Variants in ASAP2 observed in about 807,000 individuals in gnomAD.
ASAP2 encodes ArfGAP with SH3 domain, ankyrin repeat and PH domain 2.
A neutral mutation model predicts 131.4 loss-of-function variants in ASAP2; 45 were observed. The observed-to-expected ratio is 0.34, with a 90% CI of 0.27 to 0.44. The LOEUF (loss-of-function observed/expected upper bound fraction) is 0.44, where lower values mean the gene tolerates loss of function less well. Ranked by LOEUF, ASAP2 falls within the 20% of genes least tolerant of loss-of-function variation. The probability of loss-of-function intolerance (pLI) is 1.00; values close to 1 mark genes in which losing one functional copy is unlikely to be tolerated. For missense variants in ASAP2, 1,011 were observed against 1,297.0 expected, an observed-to-expected ratio of 0.78 and a Z score of 3.39; for synonymous variants, 510 against 503.0, an observed-to-expected ratio of 1.01 and a Z score of -0.19.
At chr2:9,245,772 G>A (rs550969561) in intron 1 of ASAP2, among the ~76,000 whole-genome samples, 5 of 152,000 alleles carry the variant, frequency 3.3e-5, no homozygotes, top group Non-Finnish European at 7.4e-5. Flanking sequence ...TCGGTTCGTC[G>A]TCTGCCTCCA....
chr2:9,283,298 G>A (rs573916760), intron 2 of ASAP2, among the ~76,000 whole-genome samples: 3 of 152,244 alleles, frequency 2.0e-5, no homozygotes, highest in Admixed American at 6.5e-5. Flanking sequence ...GGCTGATCTC[G>A]AGCTTCTGAC....
chr2:9,380,636 A>G lies in ASAP2; in HGVS notation c.1949-105A>G, dbSNP rs537418228. 4.9e-5 allele frequency: 53 copies of G among 1,083,842 alleles called. No homozygotes were observed. In the African/African-American group the frequency reaches 6.1e-4, roughly 12 times the overall value. 67.1% of individuals were successfully genotyped at this position (1,083,842 alleles called of 1,614,324 possible). A position where few individuals can be genotyped will look rare whatever the true frequency, so the allele number is the denominator to read the frequency against. ...CTGTGGATTTCATTAACCAGGCCCAATTTAATTTAGTGCTGCCTTTCTGTT... is the reference window on the plus strand; with the variant it reads ...CTGTGGATTTCATTAACCAGGCCCAGTTTAATTTAGTGCTGCCTTTCTGTT... On this transcript the variant is annotated intron_variant, in intron 19 of 27. Transcript: ENST00000281419.
chr2:9,227,742 G>A (rs1662878417), intron 1 of ASAP2, among the ~76,000 whole-genome samples: 1 of 152,224 alleles, frequency 6.6e-6, no homozygotes, highest in Admixed American at 6.5e-5. Flanking sequence ...AAAAAAATAT[G>A]TGGGTAAGGT....
chr2:9,370,047 T>C lies in ASAP2; in HGVS notation c.1556+1528T>C, dbSNP rs542713425. The stretch of plus-strand genomic sequence containing the variant: ...TAGAGATGGGGTTTCACCATGTTGG[T>C]CAGGCTGGTCTTGAACTCCTGACCT... On this transcript the variant is annotated intron_variant, in intron 16 of 27. Coordinates refer to ENST00000281419, the MANE Select transcript of ASAP2 (RefSeq NM_003887.3). Among the ~76,000 whole-genome samples, 13 of 152,098 alleles carry C rather than the reference T, an allele frequency of 8.5e-5. No homozygotes were observed. The South Asian group carries it at 1.7e-3, about 19-fold the overall frequency.
intron 17 of ASAP2, among the ~76,000 whole-genome samples, chr2:9,375,596 T>C (rs1386679856): frequency 3.3e-5 from 5 of 152,218 alleles, no homozygotes; most frequent in Non-Finnish European, 7.3e-5. Context: ...CTATGTAGTC[T>C]TACCTGGAGT....
rs1036905526 is a variant in ASAP2 at position 9,392,508 on chromosome 2, G to A, written c.2519-974G>A. 3.0e-4 allele frequency among the ~76,000 whole-genome samples: 45 copies of A among 152,294 alleles called. 1 individual carries two copies. The highest frequency in any genetic ancestry group is 1.1e-3 in the African/African-American group (45 of 41,558). On this transcript the variant is annotated intron_variant, in intron 23 of 27. Coordinates refer to ENST00000281419, the MANE Select transcript of ASAP2 (RefSeq NM_003887.3). The surrounding 1 kb of genome is among the most constrained non-coding windows in gnomAD (Gnocchi z 4.0). ...GAGCCGGGAGCAGTGGGTCTGGGAG[G>A]GTCTTCAGAGGTTTCCAAGGCGAAC...
chr2:9,284,939 C>G (rs188308075), intron 2 of ASAP2, among the ~76,000 whole-genome samples: 100 of 152,266 alleles, frequency 6.6e-4, no homozygotes, highest in Non-Finnish European at 1.3e-3. Flanking sequence ...AAAACTGTGG[C>G]CAGACACCTG....
chr2:9,295,555 C>T (rs951747419), intron 2 of ASAP2, among the ~76,000 whole-genome samples: 36 of 152,168 alleles, frequency 2.4e-4, no homozygotes, highest in Non-Finnish European at 1.3e-4. Flanking sequence ...GCAGGCCCAG[C>T]GTCACTGTGA....
chr2:9,379,280 C>T (rs1201544976), intron 19 of ASAP2, among the ~76,000 whole-genome samples: 1 of 152,236 alleles, frequency 6.6e-6, no homozygotes, highest in Non-Finnish European at 1.5e-5. Context: ...CGTTTACAGG[C>T]ATTTTACAGA....
At chr2:9,335,449 C>T (rs1021300487) in intron 9 of ASAP2, among the ~76,000 whole-genome samples, 1 of 152,356 alleles carries the variant, frequency 6.6e-6, no homozygotes, top group African/African-American at 2.4e-5. Flanking sequence ...ATAAGGAGCT[C>T]TCAGTGGCTT....
chr2:9,399,962 G>T lies in ASAP2; in HGVS notation c.2685-61G>T, dbSNP rs79805479. 1.1e-4 allele frequency: 164 copies of T among 1,536,616 alleles called. No individual in the cohort carries two copies. In the African/African-American group the frequency reaches 2.0e-3, roughly 19 times the overall value. On this transcript the variant is annotated intron_variant, in intron 24 of 27. Coordinates refer to ENST00000281419, the MANE Select transcript of ASAP2 (RefSeq NM_003887.3). ...CTCAGAAGGTTCTCTGATAAAAGGG[G>T]ATGAGAAAGGGGCAGGTGCCCTCCG...
intron 1 of ASAP2, among the ~76,000 whole-genome samples, chr2:9,258,554 T>C (rs561433356): frequency 1.3e-5 from 2 of 152,290 alleles, no homozygotes; most frequent in Admixed American, 6.5e-5. Flanking sequence ...ACAGTCTCCA[T>C]GGTGCCCCCG....
intron 2 of ASAP2, among the ~76,000 whole-genome samples, chr2:9,283,791 T>C (rs117423990): frequency 0.011 from 1,634 of 152,342 alleles, 37 homozygotes; most frequent in East Asian, 0.08. Flanking sequence ...GCCTTCTCCC[T>C]GTACCCTCAC....
At chr2:9,294,531 G>T (rs547733552) in intron 2 of ASAP2, among the ~76,000 whole-genome samples, 1 of 152,234 alleles carries the variant, frequency 6.6e-6, no homozygotes, top group African/African-American at 2.4e-5. Context: ...TATGGTCTGG[G>T]GCAGGTGACA....
intron 1 of ASAP2, among the ~76,000 whole-genome samples, chr2:9,229,699 TTGAG>T (rs1476323243): frequency 2.0e-5 from 3 of 152,030 alleles, no homozygotes; most frequent in Non-Finnish European, 4.4e-5. Flanking sequence ...AGGGAATTGG[TTGAG>T]TAAGTGATGG....
chr2:9,400,828 G>A lies in ASAP2; in HGVS notation c.2821G>A (p.Ala941Thr). 1 of 1,613,184 alleles carries A rather than the reference G, an allele frequency of 6.2e-7. No homozygotes were observed. The highest frequency in any genetic ancestry group is 1.7e-5 in the Admixed American group (1 of 60,016). ...TGCACCCATGCCTAGGAAGTCGCAGGCAGTAAGTGACGAGCCCCCTTTCCT... is the reference window on the plus strand; with the variant it reads ...TGCACCCATGCCTAGGAAGTCGCAGACAGTAAGTGACGAGCCCCCTTTCCT... ...PPAPMPRKSQ[A>T]TKLKPKRVKA... is the part of the protein sequence containing the mutation. Residue 941 changes from alanine to threonine, a missense_variant and splice_region_variant, in exon 26 of 28, where the codon GCA (alanine) becomes ACA (threonine). Transcript: ENST00000281419.
chr2:9,382,591 C>T (rs547666946), intron 20 of ASAP2, among the ~76,000 whole-genome samples: 7 of 152,232 alleles, frequency 4.6e-5, no homozygotes, highest in Non-Finnish European at 5.9e-5. Flanking sequence ...GCTGGGTTTA[C>T]AGTGAATGAG....
At chr2:9,359,544 C>T (rs1183611201) in intron 15 of ASAP2, among the ~76,000 whole-genome samples, 1 of 152,186 alleles carries the variant, frequency 6.6e-6, no homozygotes, top group African/African-American at 2.4e-5. Context: ...TGACTGTCTT[C>T]CCTAGAAAGC....
chr2:9,271,029 G>C (rs376296754), intron 1 of ASAP2, among the ~76,000 whole-genome samples: 1 of 151,622 alleles, frequency 6.6e-6, no homozygotes, highest in South Asian at 2.1e-4. Flanking sequence ...TCGTGACCTC[G>C]TGATCCACCT....
Sources: gnomAD v4.1 joint callset for allele counts (sites outside exome capture counted in the v4.1 genomes callset) on GRCh38, gnomAD v4.1.1 for gene constraint, Gnocchi (gnomAD v3.1) non-coding constraint, MANE v1.5 for transcripts, NCBI Gene and HGNC (gene_info 2026-07-23, HGNC 2026-07-21) for gene names.